The following GPHN variants were observed in gnomAD, a reference collection of about 807,000 sequenced individuals.
GPHN encodes gephyrin.
A neutral mutation model predicts 95.5 loss-of-function variants in GPHN; 17 were observed. That is an observed-to-expected ratio of 0.18 (90% CI 0.12 to 0.27). The LOEUF is 0.27. Ranked by LOEUF, GPHN falls within the 10% of genes least tolerant of loss-of-function variation. The probability of loss-of-function intolerance (pLI) is 1.00; values close to 1 mark genes in which losing one functional copy is unlikely to be tolerated. For synonymous variants in GPHN, 320 were observed against 322.5 expected (o/e 0.99, Z 0.08); for missense variants, 660 against 978.1 (o/e 0.67, Z 4.34).
At chr14:67,215,568 G>T in the GPHN span, among the ~76,000 whole-genome samples, 1 of 152,068 alleles carries the variant, frequency 6.6e-6, no homozygotes, top group Non-Finnish European at 1.5e-5. Flanking sequence ...GAGAAAAACA[G>T]AAACCAATAG....
chr14:67,473,504 G>C, the GPHN span: 1 of 1,614,192 alleles, frequency 6.2e-7, no homozygotes, highest in South Asian at 1.1e-5. This position sits in a 1 kb window ranked among gnomAD's most constrained non-coding sequence, Gnocchi z 6.5. Context: ...AGCGGAGGCG[G>C]AGGGTGTTGC....
chr14:67,324,880 C>G, the GPHN span, among the ~76,000 whole-genome samples: 2 of 150,838 alleles, frequency 1.3e-5, no homozygotes, highest in Non-Finnish European at 3.0e-5. Context: ...TAAGCTACCA[C>G]GCCCAGCCTT....
the GPHN span, among the ~76,000 whole-genome samples, chr14:67,298,532 C>T: frequency 2.7e-5 from 4 of 150,534 alleles, no homozygotes; most frequent in East Asian, 5.8e-4. Context: ...AAAAAAAATA[C>T]TATTATAAAA....
chr14:67,244,132 C>T, the GPHN span, among the ~76,000 whole-genome samples: 1 of 152,138 alleles, frequency 6.6e-6, no homozygotes, highest in African/African-American at 2.4e-5. Flanking sequence ...TTTTTAATAA[C>T]TACTAACTGC....
At chr14:67,171,293 T>A (rs2082584030) in intron 21 of GPHN, among the ~76,000 whole-genome samples, 1 of 152,096 alleles carries the variant, frequency 6.6e-6, no homozygotes, top group Admixed American at 6.5e-5. Context: ...TTCCCTTATT[T>A]CCTTGGTCAC....
chr14:67,473,912 G>A, the GPHN span: 6 of 1,603,380 alleles, frequency 3.7e-6, no homozygotes, highest in East Asian at 6.7e-5. This position sits in a 1 kb window ranked among gnomAD's most constrained non-coding sequence, Gnocchi z 6.5. Context: ...TCAGGGGCTC[G>A]GCAGACGCCA....
At chr14:67,404,162 T>A in the GPHN span, among the ~76,000 whole-genome samples, 1 of 152,326 alleles carries the variant, frequency 6.6e-6, no homozygotes, top group African/African-American at 2.4e-5. Flanking sequence ...TAAATATATA[T>A]GGTAACAACA....
chr14:67,591,063 A>T, the GPHN span, among the ~76,000 whole-genome samples: 1 of 152,194 alleles, frequency 6.6e-6, no homozygotes, highest in Non-Finnish European at 1.5e-5. Flanking sequence ...TGCACTACCT[A>T]AAATATATAA....
intron 4 of GPHN, among the ~76,000 whole-genome samples, chr14:66,850,209 A>ACTTAG (rs2062522136): frequency 1.3e-5 from 2 of 152,288 alleles, no homozygotes; most frequent in African/African-American, 4.8e-5. Context: ...CTTTTAATAC[A>ACTTAG]CTTAGCTACT....
intron 1 of GPHN, among the ~76,000 whole-genome samples, chr14:66,614,339 C>T (rs1157244519): frequency 6.6e-6 from 1 of 152,116 alleles, no homozygotes; most frequent in African/African-American, 2.4e-5. Context: ...CTAACTTACT[C>T]CAAAGCCAGT....
chr14:67,440,037 T>C, the GPHN span, among the ~76,000 whole-genome samples: 1 of 152,102 alleles, frequency 6.6e-6, no homozygotes, highest in African/African-American at 2.4e-5. Flanking sequence ...GGTTTCACCA[T>C]GTTGGCCAGG....
chr14:67,260,665 G>A, the GPHN span, among the ~76,000 whole-genome samples: 1 of 152,040 alleles, frequency 6.6e-6, no homozygotes, highest in Admixed American at 6.6e-5. Flanking sequence ...TTTTTTCTTG[G>A]TATAAGAAAC....
chr14:67,209,743 G>A, the GPHN span, among the ~76,000 whole-genome samples: 65 of 151,020 alleles, frequency 4.3e-4, no homozygotes, highest in African/African-American at 1.5e-3. Flanking sequence ...GCCTGAACCC[G>A]GGAGACTGAG....
intron 9 of GPHN, among the ~76,000 whole-genome samples, chr14:66,980,242 A>G (rs1332640869): frequency 6.6e-6 from 1 of 152,192 alleles, no homozygotes; most frequent in Non-Finnish European, 1.5e-5. Flanking sequence ...TTGAACTTGT[A>G]AAAAATGCAA....
At chr14:66,532,215 A>G (rs148134271) in intron 1 of GPHN, among the ~76,000 whole-genome samples, 1 of 152,310 alleles carries the variant, frequency 6.6e-6, no homozygotes, top group East Asian at 1.9e-4. Flanking sequence ...CATTTCTGTG[A>G]ACTAATTTGG....
the GPHN span, among the ~76,000 whole-genome samples, chr14:67,381,385 C>T: frequency 6.6e-6 from 1 of 152,188 alleles, no homozygotes; most frequent in South Asian, 2.1e-4. Flanking sequence ...ATTTCTAAAC[C>T]GTTTTAGATA....
intron 1 of GPHN, among the ~76,000 whole-genome samples, chr14:66,585,172 G>T (rs546777002): frequency 9.1e-4 from 139 of 152,238 alleles, no homozygotes; most frequent in African/African-American, 3.2e-3. Flanking sequence ...TAGTTTATTT[G>T]TGTAGAGGTG....
chr14:66,978,533 A>G (rs2070414513), intron 9 of GPHN, among the ~76,000 whole-genome samples: 1 of 152,200 alleles, frequency 6.6e-6, no homozygotes, highest in South Asian at 2.1e-4. Flanking sequence ...GTCATCTGTG[A>G]AAGTTTTATC....
At chr14:66,942,649 T>C (rs1490584584) in intron 8 of GPHN, among the ~76,000 whole-genome samples, 1 of 152,196 alleles carries the variant, frequency 6.6e-6, no homozygotes. Context: ...ATTTTTGAAA[T>C]TTCCTACAAT....
Sources: allele counts gnomAD v4.1 joint callset (sites outside exome capture counted in the v4.1 genomes callset), GRCh38; gene constraint gnomAD v4.1.1; non-coding constraint Gnocchi (gnomAD v3.1); transcripts MANE v1.5; gene names NCBI Gene and HGNC (gene_info 2026-07-23, HGNC 2026-07-21).